KHDRBS2: variants seen among roughly 807,000 people sequenced by gnomAD.
The protein encoded by KHDRBS2 is KH domain-containing, RNA-binding, signal transduction-associated protein 2.
KHDRBS2 carries 26 observed loss-of-function variants against 44.3 expected under a neutral mutation model. That is an observed-to-expected ratio of 0.59 (90% confidence interval 0.43 to 0.81). The LOEUF (loss-of-function observed/expected upper bound fraction) is 0.81. Among genes scored for constraint, KHDRBS2 ranks in the 40% least tolerant of loss-of-function variants. The probability of loss-of-function intolerance (pLI) is 0.00; values close to 1 mark genes in which losing one functional copy is unlikely to be tolerated. For missense variants in KHDRBS2, 476 were observed against 433.1 expected (o/e 1.10, Z -0.88); for synonymous variants, 194 against 151.1 (o/e 1.28, Z -2.08).
At chr6:61,704,957 A>G (rs573180698) in intron 7 of KHDRBS2, among the ~76,000 whole-genome samples, 1 of 152,010 alleles carries the variant, frequency 6.6e-6, no homozygotes, top group South Asian at 2.1e-4. Flanking sequence ...ACAATTTATA[A>G]TATCTCAGGT....
intron 2 of KHDRBS2, among the ~76,000 whole-genome samples, chr6:62,063,581 C>G (rs1054875233): frequency 1.6e-4 from 25 of 151,646 alleles, no homozygotes; most frequent in East Asian, 1.6e-3. Context: ...ATTCAACAAC[C>G]CTTCATGATA....
intron 4 of KHDRBS2, among the ~76,000 whole-genome samples, chr6:61,911,826 C>T (rs1388710306): frequency 6.6e-6 from 1 of 151,872 alleles, no homozygotes; most frequent in African/African-American, 2.4e-5. Context: ...ATGAATGCCA[C>T]TTCACAAAAA....
the KHDRBS2 span, among the ~76,000 whole-genome samples, chr6:61,607,943 C>A: frequency 6.6e-6 from 1 of 152,208 alleles, no homozygotes; most frequent in Non-Finnish European, 1.5e-5. Context: ...CTACCTTGGC[C>A]TCCCAAAGTG....
chr6:61,600,272 CACAAAAGAAG>C, the KHDRBS2 span, among the ~76,000 whole-genome samples: 2 of 152,026 alleles, frequency 1.3e-5, no homozygotes, highest in African/African-American at 4.8e-5. Context: ...ACTGAAAAAT[CACAAAAGAAG>C]TGAAAATGGC....
intron 1 of KHDRBS2, among the ~76,000 whole-genome samples, chr6:62,193,529 T>C (rs982829995): frequency 6.6e-6 from 1 of 152,120 alleles, no homozygotes; most frequent in African/African-American, 2.4e-5. Flanking sequence ...ATTTTTAATC[T>C]CTAGGAAAAG....
chr6:61,746,494 T>C (rs1204924516), intron 6 of KHDRBS2, among the ~76,000 whole-genome samples: 1 of 152,138 alleles, frequency 6.6e-6, no homozygotes, highest in Non-Finnish European at 1.5e-5. Flanking sequence ...ACTCATTCTT[T>C]TTTATGGCTG....
intron 7 of KHDRBS2, among the ~76,000 whole-genome samples, chr6:61,722,005 T>C (rs1772674765): frequency 6.6e-6 from 1 of 150,990 alleles, no homozygotes; most frequent in Non-Finnish European, 1.5e-5. Context: ...TTGAATTTTG[T>C]CAAAGGCCTT....
At chr6:62,257,912 C>A (rs1448241536) in intron 1 of KHDRBS2, among the ~76,000 whole-genome samples, 3 of 151,948 alleles carry the variant, frequency 2.0e-5, no homozygotes, top group Non-Finnish European at 4.4e-5. Context: ...CTACGACGAC[C>A]CAGCTTCTGT....
chr6:61,571,614 C>A, the KHDRBS2 span, among the ~76,000 whole-genome samples: 16 of 152,080 alleles, frequency 1.1e-4, no homozygotes, highest in Non-Finnish European at 2.2e-4. Context: ...AATACACATT[C>A]TTTTCTTCAG....
intron 3 of KHDRBS2, among the ~76,000 whole-genome samples, chr6:61,984,657 C>T (rs1774676278): frequency 6.6e-6 from 1 of 152,136 alleles, no homozygotes; most frequent in South Asian, 2.1e-4. Context: ...AACTTCCCTT[C>T]CCTAAAGTTT....
chr6:62,136,835 C>T (rs1441307031), intron 2 of KHDRBS2, among the ~76,000 whole-genome samples: 2 of 152,074 alleles, frequency 1.3e-5, no homozygotes, highest in Non-Finnish European at 1.5e-5. Context: ...AAGAGCCTTG[C>T]TCTTTGTTGA....
chr6:62,263,516 T>C (rs1838707384), intron 1 of KHDRBS2, among the ~76,000 whole-genome samples: 1 of 151,728 alleles, frequency 6.6e-6, no homozygotes, highest in African/African-American at 2.4e-5. Flanking sequence ...AGAGTGATAA[T>C]CTGTTAATTC....
intron 4 of KHDRBS2, among the ~76,000 whole-genome samples, chr6:61,937,275 CTTTT>C (rs1562475160): frequency 6.6e-6 from 1 of 151,710 alleles, no homozygotes; most frequent in South Asian, 2.1e-4. Context: ...CATCCTTTTT[CTTTT>C]TTTATTATAC....
At chr6:62,057,495 C>T (rs1206805524) in intron 2 of KHDRBS2, among the ~76,000 whole-genome samples, 1 of 151,938 alleles carries the variant, frequency 6.6e-6, no homozygotes, top group Non-Finnish European at 1.5e-5. Flanking sequence ...TCAACCTATA[C>T]TCAGTTCCCC....
chr6:61,789,372 G>C (rs1784288495), intron 6 of KHDRBS2, among the ~76,000 whole-genome samples: 1 of 150,994 alleles, frequency 6.6e-6, no homozygotes, highest in South Asian at 2.1e-4. Context: ...GGTAGTAAAA[G>C]CAAAAATCAA....
intron 2 of KHDRBS2, among the ~76,000 whole-genome samples, chr6:62,107,458 G>A (rs548310522): frequency 7.9e-4 from 120 of 152,218 alleles, no homozygotes; most frequent in African/African-American, 2.5e-3. Flanking sequence ...ACAAACAAAC[G>A]AAAGAACATT....
chr6:61,954,282 T>G (rs1765444111), intron 4 of KHDRBS2, among the ~76,000 whole-genome samples: 1 of 151,682 alleles, frequency 6.6e-6, no homozygotes, highest in Non-Finnish European at 1.5e-5. Context: ...GAAATGTGCG[T>G]GTGTCTACAT....
chr6:61,971,740 C>T (rs994291701), intron 4 of KHDRBS2, among the ~76,000 whole-genome samples: 9 of 152,046 alleles, frequency 5.9e-5, no homozygotes, highest in African/African-American at 2.2e-4. Flanking sequence ...TTTTCGTTGA[C>T]CCTAGGAATA....
At chr6:61,578,711 C>T in the KHDRBS2 span, among the ~76,000 whole-genome samples, 1,869 of 152,120 alleles carry the variant, frequency 0.012, 22 homozygotes, top group Non-Finnish European at 0.02. Flanking sequence ...ACAGATTTGT[C>T]GGTAGTAAAG....
Sources: allele counts gnomAD v4.1 joint callset (sites outside exome capture counted in the v4.1 genomes callset), GRCh38; gene constraint gnomAD v4.1.1; transcripts MANE v1.5; gene names NCBI Gene and HGNC (gene_info 2026-07-23, HGNC 2026-07-21).